NTRK2: variants seen among roughly 807,000 people sequenced by gnomAD.
NTRK2 encodes the protein neurotrophic receptor tyrosine kinase 2.
A neutral mutation model predicts 94.5 loss-of-function variants in NTRK2; 13 were observed. That is an observed-to-expected ratio of 0.14 (90% CI 0.09 to 0.22). The LOEUF is 0.22. NTRK2 is among the 10% of genes least tolerant of loss of function. The pLI is 1.00. For missense variants in NTRK2, 639 were observed against 1,071.2 expected (o/e 0.60, Z 5.63); for synonymous variants, 372 against 407.4 (o/e 0.91, Z 1.05).
At chr9:84,684,739 G>A (rs2059605896) in intron 2 of NTRK2, among the ~76,000 whole-genome samples, 1 of 152,156 alleles carries the variant, frequency 6.6e-6, no homozygotes, top group South Asian at 2.1e-4. Context: ...TTGCGATTAT[G>A]TAATTATGAT....
At chr9:84,928,716 C>A (rs1415644478) in intron 14 of NTRK2, among the ~76,000 whole-genome samples, 1 of 152,172 alleles carries the variant, frequency 6.6e-6, no homozygotes, top group Non-Finnish European at 1.5e-5. Flanking sequence ...TCTTTAAGTT[C>A]TTTTCCTATC....
chr9:84,807,833 A>G (rs998158976), intron 12 of NTRK2, among the ~76,000 whole-genome samples: 2 of 152,336 alleles, frequency 1.3e-5, no homozygotes, highest in African/African-American at 4.8e-5. Flanking sequence ...TTGAAATCAA[A>G]TTAATTTTTC....
intron 12 of NTRK2, among the ~76,000 whole-genome samples, chr9:84,769,499 T>G (rs1409896887): frequency 6.6e-6 from 1 of 152,230 alleles, no homozygotes; most frequent in Non-Finnish European, 1.5e-5. Flanking sequence ...GTCTTGAATC[T>G]CTGTACTATA....
intron 12 of NTRK2, among the ~76,000 whole-genome samples, chr9:84,776,676 T>A (rs145274178): frequency 3.5e-4 from 54 of 152,336 alleles, no homozygotes; most frequent in African/African-American, 1.3e-3. Flanking sequence ...TTACACAGCA[T>A]GTGGCATGAA....
chr9:84,673,557 T>C (rs1364403545), intron 2 of NTRK2, among the ~76,000 whole-genome samples: 1 of 152,126 alleles, frequency 6.6e-6, no homozygotes, highest in East Asian at 1.9e-4. Flanking sequence ...GAAACAACGG[T>C]TTACCATATC....
intron 17 of NTRK2, among the ~76,000 whole-genome samples, chr9:84,969,972 T>C (rs56252787): frequency 0.011 from 1,627 of 152,314 alleles, 15 homozygotes; most frequent in South Asian, 0.022. Context: ...GGTAGGAGAA[T>C]TGCATAAACA....
rs56407004 is a variant in NTRK2 at position 84,812,263 on chromosome 9, T to C, written c.1397-48777T>C. The C allele has an allele frequency of 6.0e-3, 6,307 of 1,056,288 alleles. 37 individuals carry two copies. Among genetic ancestry groups the C allele is most frequent in the Non-Finnish European group, 6.9e-3 (6,015 of 873,502 alleles). The allele number at this position is 1,056,288 out of a possible 1,614,324, so 65.4% of individuals were successfully genotyped here. On this transcript the variant is annotated intron_variant, in intron 12 of 18. Transcript: ENST00000277120. ...ATATTTTATACTGCATCCTTTACATTAGCCACTAAATACGTTATTGCTTGA... is the reference window on the plus strand; with the variant it reads ...ATATTTTATACTGCATCCTTTACATCAGCCACTAAATACGTTATTGCTTGA...
intron 6 of NTRK2, among the ~76,000 whole-genome samples, chr9:84,713,796 C>T (rs2131869697): frequency 6.6e-6 from 1 of 151,410 alleles, no homozygotes; most frequent in Admixed American, 6.6e-5. Context: ...GTAAACTGTG[C>T]TTTTTATATT....
At chr9:84,819,841 C>G (rs1337935325) in intron 12 of NTRK2, among the ~76,000 whole-genome samples, 1 of 152,164 alleles carries the variant, frequency 6.6e-6, no homozygotes, top group Non-Finnish European at 1.5e-5. Context: ...TTCCTGAGTG[C>G]CTATTTCCTG....
intron 12 of NTRK2, among the ~76,000 whole-genome samples, chr9:84,836,579 G>C (rs76325671): frequency 0.063 from 9,418 of 148,358 alleles, 601 homozygotes; most frequent in African/African-American, 0.15. Context: ...TAATGTTATT[G>C]TTTTCTAGCA....
At chr9:84,887,801 A>C (rs1033191089) in intron 14 of NTRK2, among the ~76,000 whole-genome samples, 1 of 152,218 alleles carries the variant, frequency 6.6e-6, no homozygotes, top group African/African-American at 2.4e-5. Context: ...ACCCCTGTGA[A>C]AAAATCTCTT....
At position 84,752,227 on chromosome 9, in the gene NTRK2, A is replaced by G. The variant is rs375574514; in HGVS notation, c.1396+142A>G. The G allele has an allele frequency of 1.8e-5, 13 of 727,754 alleles. No individual in the cohort carries two copies. In the African/African-American group the frequency reaches 1.9e-4, roughly 11 times the overall value. 45.1% of individuals were successfully genotyped at this position (727,754 alleles called of 1,614,324 possible). On this transcript the variant is annotated intron_variant, in intron 12 of 18. Transcript: ENST00000277120. Reference sequence around the variant, plus strand: ...AAAAAAATAGCAACAAGGCTTTGATACTACAAATCAAGACGGAGCAAAATA... The same window carrying G: ...AAAAAAATAGCAACAAGGCTTTGATGCTACAAATCAAGACGGAGCAAAATA...
At chr9:84,807,067 T>C (rs1163712895) in intron 12 of NTRK2, among the ~76,000 whole-genome samples, 3 of 152,234 alleles carry the variant, frequency 2.0e-5, no homozygotes, top group Non-Finnish European at 4.4e-5. Context: ...TTTGCTTTTT[T>C]AGATAGCAGC....
chr9:84,930,682 C>A (rs921412302), intron 14 of NTRK2, among the ~76,000 whole-genome samples: 1 of 152,034 alleles, frequency 6.6e-6, no homozygotes, highest in East Asian at 1.9e-4. Context: ...CAGAGTACAC[C>A]GTGGAGGGGT....
Position 84,670,389 on chromosome 9 carries a change from T to TTAAAAA in NTRK2, c.-360_-359insTAAAAA. On this transcript the variant is annotated 5_prime_UTR_variant, in exon 2 of 19. Transcript: ENST00000277120. ...TGTTTGTCCTCAGCCTCGAGGTGCA[T>TTAAAAA]ACCGGACCCCCATTCGCATCTAACA... The TTAAAAA allele has an allele frequency of 2.4e-6, 1 of 412,450 alleles. No individual in the cohort carries two copies. The highest frequency in any genetic ancestry group is 2.0e-5 in the African/African-American group (1 of 49,254). 25.5% of individuals were successfully genotyped at this position (412,450 alleles called of 1,614,324 possible). A position where few individuals can be genotyped will look rare whatever the true frequency, so the allele number is the denominator to read the frequency against.
In NTRK2 at chr9:85,026,680, T is replaced by A. The variant is rs1296231076; in HGVS notation, c.*5243T>A. On this transcript the variant is annotated 3_prime_UTR_variant, in exon 19 of 19. Coordinates refer to ENST00000277120, the MANE Select transcript of NTRK2 (RefSeq NM_006180.6). ...GACATTCTGCATTTGCTTCTGTATC[T>A]GGAGAGATGTTTGTATATATCCAGG... The A allele has an allele frequency of 4.3e-6, 1 of 232,912 alleles. No homozygotes were observed. Among genetic ancestry groups the A allele is most frequent in the Admixed American group, 5.6e-5 (1 of 17,772 alleles). 14.4% of individuals were successfully genotyped at this position (232,912 alleles called of 1,614,324 possible).
At chr9:84,981,682 A>G (rs556624406) in intron 17 of NTRK2, among the ~76,000 whole-genome samples, 1 of 152,340 alleles carries the variant, frequency 6.6e-6, no homozygotes, top group Non-Finnish European at 1.5e-5. Context: ...ATTAAGTGGA[A>G]GAATTGTATT....
In NTRK2 at chr9:84,680,989, C is replaced by T. The variant is rs564830750; in HGVS notation, c.212+10029C>T. On this transcript the variant is annotated intron_variant, in intron 2 of 18. Coordinates refer to ENST00000277120, the MANE Select transcript of NTRK2 (RefSeq NM_006180.6). ...CATGCTACTTGTTTGCTTTATTTGTCGGTTCCCTTTTCTCTGCTCTTAAAA... is the reference window on the plus strand; with the variant it reads ...CATGCTACTTGTTTGCTTTATTTGTTGGTTCCCTTTTCTCTGCTCTTAAAA... 1.1e-4 allele frequency among the ~76,000 whole-genome samples: 17 copies of T among 152,202 alleles called. No individual in the cohort carries two copies. The East Asian group carries it at 3.3e-3, about 29-fold the overall frequency.
chr9:84,990,284 G>A (rs1828894262), intron 17 of NTRK2, among the ~76,000 whole-genome samples: 1 of 152,148 alleles, frequency 6.6e-6, no homozygotes, highest in Non-Finnish European at 1.5e-5. Flanking sequence ...CCAGCGCTTG[G>A]GAGTCAAGCA....
Sources: allele counts gnomAD v4.1 joint callset (sites outside exome capture counted in the v4.1 genomes callset), GRCh38; gene constraint gnomAD v4.1.1; transcripts MANE v1.5; gene names NCBI Gene and HGNC (gene_info 2026-07-23, HGNC 2026-07-21).